Variants in USP34 observed in about 807,000 individuals in gnomAD.
The protein encoded by USP34 is ubiquitin carboxyl-terminal hydrolase 34.
A neutral mutation model predicts 460.3 loss-of-function variants in USP34; 70 were observed. The observed-to-expected ratio is 0.15, with a 90% CI of 0.13 to 0.19. USP34 has a LOEUF of 0.19. Ranked by LOEUF, USP34 falls within the 10% of genes least tolerant of loss-of-function variation. USP34 has a pLI of 1.00. For synonymous variants in USP34, 1,647 were observed against 1,405.3 expected (o/e 1.17, Z -3.85); for missense variants, 3,985 against 4,236.2 (o/e 0.94, Z 1.65).
chr2:61,253,698 A>T (rs1280487177), intron 48 of USP34, among the ~76,000 whole-genome samples: 2 of 151,522 alleles, frequency 1.3e-5, no homozygotes, highest in Non-Finnish European at 2.9e-5. Flanking sequence ...TTGAGCCCCA[A>T]GACTCTTTCT....
At chr2:61,453,714 CAAAAAAAAA>C in intron 1 of USP34, among the ~76,000 whole-genome samples, 1 of 31,918 alleles carries the variant, frequency 3.1e-5, no homozygotes, top group East Asian at 8.9e-4. Context: ...CATTCCATCT[CAAAAAAAAA>C]AAAAAAAAAA....
At chr2:61,465,210 C>T (rs2104114411) in intron 1 of USP34, among the ~76,000 whole-genome samples, 1 of 152,124 alleles carries the variant, frequency 6.6e-6, no homozygotes, top group Middle Eastern at 3.4e-3. Flanking sequence ...TGTGGTGGGG[C>T]AAGGGTACTT....
chr2:61,445,355 G>A (rs950968387), intron 1 of USP34, among the ~76,000 whole-genome samples: 2 of 149,506 alleles, frequency 1.3e-5, no homozygotes, highest in Non-Finnish European at 3.0e-5. Context: ...CTAACACAGT[G>A]AAACCCCATC....
intron 27 of USP34, among the ~76,000 whole-genome samples, chr2:61,306,844 G>A (rs1690422733): frequency 6.6e-6 from 1 of 152,254 alleles, no homozygotes; most frequent in South Asian, 2.1e-4. Context: ...TGGAGAAATA[G>A]GAACACTATT....
intron 25 of USP34, among the ~76,000 whole-genome samples, chr2:61,314,320 G>A (rs917730527): frequency 6.6e-6 from 1 of 152,004 alleles, no homozygotes; most frequent in Non-Finnish European, 1.5e-5. Context: ...ATGGAATTCT[G>A]TCTAACAATT....
chr2:61,335,336 G>T (rs1691384937), intron 18 of USP34, among the ~76,000 whole-genome samples: 1 of 152,110 alleles, frequency 6.6e-6, no homozygotes, highest in African/African-American at 2.4e-5. Flanking sequence ...AGCATAAAAG[G>T]GAAGTGTTAT....
intron 1 of USP34, among the ~76,000 whole-genome samples, chr2:61,435,534 CACAA>C (rs1196553424): frequency 2.6e-5 from 4 of 151,704 alleles, no homozygotes; most frequent in African/African-American, 4.8e-5. Context: ...AATAAACCTT[CACAA>C]ACAAAGAAAA....
At chr2:61,462,770 A>G (rs1424575221) in intron 1 of USP34, among the ~76,000 whole-genome samples, 2 of 151,236 alleles carry the variant, frequency 1.3e-5, no homozygotes, top group Non-Finnish European at 2.9e-5. Context: ...GTGAGGCACA[A>G]GAACTGCTTG....
intron 20 of USP34, among the ~76,000 whole-genome samples, chr2:61,326,580 T>C (rs931530716): frequency 6.6e-6 from 1 of 152,062 alleles, no homozygotes; most frequent in Non-Finnish European, 1.5e-5. Flanking sequence ...AACTGCATAT[T>C]TAACTGTGTC....
chr2:61,275,242 G>C (rs952622760), intron 41 of USP34, among the ~76,000 whole-genome samples: 4 of 152,102 alleles, frequency 2.6e-5, no homozygotes, highest in Non-Finnish European at 5.9e-5. Flanking sequence ...TCATGCCACT[G>C]AAGTCCAGCC....
chr2:61,347,489 T>C (rs1691807489), intron 15 of USP34, among the ~76,000 whole-genome samples: 1 of 152,190 alleles, frequency 6.6e-6, no homozygotes, highest in Admixed American at 6.5e-5. Flanking sequence ...TTCTCCTGCC[T>C]CAGCCTCCCA....
rs764100584 is a variant in USP34, at chr2:61,378,396, C to T, written c.1043G>A (p.Cys348Tyr). The T allele has an allele frequency of 1.3e-6, 2 of 1,596,776 alleles. No homozygotes were observed. Among genetic ancestry groups the T allele is most frequent in the South Asian group, 1.2e-5 (1 of 86,472 alleles). The change falls in exon 8 of 80, where the codon TGC (cysteine) becomes TAC (tyrosine). Residue 348 changes from cysteine (C) to tyrosine (Y), a missense_variant. By Grantham distance (194) the Cys-to-Tyr change is radical (BLOSUM62 -2). Around this residue, in one of 14 missense-constraint regions of USP34, gnomAD observed 716 missense variants for 626.2 expected, o/e 1.14. Coordinates refer to ENST00000398571, the MANE Select transcript of USP34 (RefSeq NM_014709.4). Reference sequence around the variant, plus strand: ...GTCCGATACTAATGATTCATTATTGCACACATCATTGAAGGTATGGAGTTG... The same window carrying T: ...GTCCGATACTAATGATTCATTATTGTACACATCATTGAAGGTATGGAGTTG... Reference protein sequence around the residue: ...TNQLHTFNDVCNNESLVSDTE... With the variant: ...TNQLHTFNDVYNNESLVSDTE...
intron 3 of USP34, among the ~76,000 whole-genome samples, chr2:61,399,533 G>GT (rs1212342524): frequency 2.0e-5 from 3 of 151,470 alleles, no homozygotes; most frequent in Non-Finnish European, 4.4e-5. Context: ...ACATCTATAG[G>GT]TTAAAAAAAA....
intron 21 of USP34, among the ~76,000 whole-genome samples, chr2:61,322,181 G>A (rs1690944487): frequency 1.3e-5 from 2 of 152,124 alleles, no homozygotes; most frequent in African/African-American, 4.8e-5. Context: ...GGTGAGCCAA[G>A]ATCACGCCAA....
chr2:61,399,535 TA>T (rs1017165939), intron 3 of USP34, among the ~76,000 whole-genome samples: 1 of 151,218 alleles, frequency 6.6e-6, no homozygotes, highest in Non-Finnish European at 1.5e-5. Context: ...ATCTATAGGT[TA>T]AAAAAAACAC....
chr2:61,224,117 G>A (rs1267456586), intron 62 of USP34, among the ~76,000 whole-genome samples: 4 of 152,180 alleles, frequency 2.6e-5, no homozygotes, highest in Admixed American at 2.6e-4. Context: ...CACATTTCCT[G>A]AAGTTTCTAA....
Position 61,348,007 on chromosome 2 carries a change from T to C in USP34, c.2148A>G (p.Gln716=). Residue 716 remains glutamine, a synonymous_variant, in exon 15 of 80, where the codon CAA becomes CAG. Transcript: ENST00000398571. ...SGEMNATHIA[Q]GSQESCITRT... ...GTGTGATACAAGACTCCTGAGACCCTTGTGCTATATGAGTAGCATTCATTT... is the reference window on the plus strand; with the variant it reads ...GTGTGATACAAGACTCCTGAGACCCCTGTGCTATATGAGTAGCATTCATTT... The C allele has an allele frequency of 6.2e-7, 1 of 1,614,172 alleles. No homozygotes were observed. Among genetic ancestry groups the C allele is most frequent in the Non-Finnish European group, 8.5e-7 (1 of 1,180,018 alleles).
At chr2:61,392,208 T>C (rs1014006322) in intron 5 of USP34, among the ~76,000 whole-genome samples, 1 of 152,174 alleles carries the variant, frequency 6.6e-6, no homozygotes, top group African/African-American at 2.4e-5. Context: ...GACATGCACC[T>C]TTAGTCCCAG....
intron 79 of USP34, 56 bp from the exon 80 acceptor site, chr2:61,188,765 AGGG>A (rs534624755): frequency 1.3e-6 from 2 of 1,576,134 alleles, no homozygotes; most frequent in African/African-American, 1.4e-5. Flanking sequence ...AGATCACGTT[AGGG>A]GGGGATGTGG....
Sources: allele counts gnomAD v4.1 joint callset (sites outside exome capture counted in the v4.1 genomes callset), GRCh38; gene constraint gnomAD v4.1.1; regional missense constraint gnomAD v4.1.1; transcripts MANE v1.5; gene names NCBI Gene and HGNC (gene_info 2026-07-23, HGNC 2026-07-21).